The following DRC1 variants were observed in gnomAD, a reference collection of about 807,000 sequenced individuals.
DRC1 encodes dynein regulatory complex subunit 1.
In DRC1, 74 loss-of-function variants were observed where a neutral mutation model predicts 98.7. The ratio of observed to expected loss-of-function variants is 0.75; its 90% CI spans 0.62 to 0.91. The LOEUF is 0.91. DRC1 is among the 40% of genes least tolerant of loss of function. The pLI, the probability that DRC1 is intolerant of heterozygous loss-of-function variation, is 0.00. For synonymous variants in DRC1, 336 were observed against 334.1 expected, an observed-to-expected ratio of 1.01 and a Z score of -0.06; for missense variants, 875 against 886.0, an observed-to-expected ratio of 0.99 and a Z score of 0.16.
chr2:26,456,594 C>G lies in DRC1; in HGVS notation c.*77C>G. The G allele has an allele frequency of 6.4e-7, 1 of 1,562,620 alleles. No individual in the cohort carries two copies. Among genetic ancestry groups the G allele is most frequent in the Non-Finnish European group, 8.8e-7 (1 of 1,135,588 alleles). ...TGCCGGAGCCAGCTCATATCACCCA[C>G]TGGGCCGCACCTGGGCCTGCTCTCT... On this transcript the variant is annotated 3_prime_UTR_variant, in exon 17 of 17. Transcript: ENST00000288710.
At chr2:26,449,530 G>T (rs982018493) in intron 11 of DRC1, among the ~76,000 whole-genome samples, 4 of 152,240 alleles carry the variant, frequency 2.6e-5, no homozygotes, top group Admixed American at 2.6e-4. Flanking sequence ...CTGCTCAGCC[G>T]CCCTCTCCCT....
chr2:26,442,093 G>A (rs1663732242), intron 8 of DRC1, among the ~76,000 whole-genome samples: 1 of 152,216 alleles, frequency 6.6e-6, no homozygotes, highest in Non-Finnish European at 1.5e-5. Context: ...CAGAGGGGAG[G>A]GATGCTGTGT....
chr2:26,455,805 G>C (rs1282604416), intron 16 of DRC1, among the ~76,000 whole-genome samples: 1 of 152,260 alleles, frequency 6.6e-6, no homozygotes, highest in Admixed American at 6.5e-5. Context: ...TGCAATAGTT[G>C]TGGACAACTT....
chr2:26,434,229 AT>A (rs1346038587), intron 7 of DRC1, among the ~76,000 whole-genome samples: 3 of 152,318 alleles, frequency 2.0e-5, no homozygotes, highest in Admixed American at 6.5e-5. Context: ...GTAAAAAAAA[AT>A]GTCTTACTAT....
At chr2:26,434,890 C>CAA (rs58202507) in intron 7 of DRC1, among the ~76,000 whole-genome samples, 1,513 of 126,556 alleles carry the variant, frequency 0.012, 24 homozygotes, top group African/African-American at 0.038. Flanking sequence ...GACTCCGTCT[C>CAA]AAAAAAAAAA....
Position 26,436,653 on chromosome 2 carries a change from A to T in DRC1, c.889-3725A>T, listed in dbSNP as rs1388136118. On this transcript the variant is annotated intron_variant, in intron 7 of 16. Coordinates refer to ENST00000288710, the MANE Select transcript of DRC1 (RefSeq NM_145038.5). ...ATTATGTAATAACCTGCCTTTAAGAATGAAATTCACATGAGCATGCATATG... is the reference window on the plus strand; with the variant it reads ...ATTATGTAATAACCTGCCTTTAAGATTGAAATTCACATGAGCATGCATATG... 2.0e-5 allele frequency among the ~76,000 whole-genome samples: 3 copies of T among 152,264 alleles called. No homozygotes were observed. The East Asian group carries it at 5.8e-4, about 29-fold the overall frequency.
intron 1 of DRC1, among the ~76,000 whole-genome samples, chr2:26,409,182 T>A (rs1678518813): frequency 1.3e-5 from 2 of 152,098 alleles, no homozygotes; most frequent in Non-Finnish European, 2.9e-5. Context: ...CCTCCTGCCC[T>A]GGCCTCCCAT....
At chr2:26,404,267 C>A (rs747814824) in intron 1 of DRC1, among the ~76,000 whole-genome samples, 29 of 152,178 alleles carry the variant, frequency 1.9e-4, no homozygotes, top group Admixed American at 5.2e-4. Flanking sequence ...TATATTATGA[C>A]AGAGATCAGG....
chr2:26,452,811 T>C (rs114704609), intron 13 of DRC1, among the ~76,000 whole-genome samples: 1,951 of 152,286 alleles, frequency 0.013, 34 homozygotes, highest in African/African-American at 0.043. Flanking sequence ...TATAGTATCA[T>C]TGATGTCAAA....
In DRC1 at chr2:26,450,612, G is replaced by A. The variant is rs774673063; in HGVS notation, c.1620G>A (p.Glu540=). The change falls in exon 13 of 17, where the codon GAG becomes GAA. Residue 540 remains glutamate, a synonymous_variant. Coordinates refer to ENST00000288710, the MANE Select transcript of DRC1 (RefSeq NM_145038.5). ...AIFSALGIES[E]DDLYKLVNFF... is the part of the protein sequence containing the mutation. ...CCCAGGCCCTTGGAATTGAAAGTGAGGATGACTTGTATAAACTGGTGAACT... is the reference window on the plus strand; with the variant it reads ...CCCAGGCCCTTGGAATTGAAAGTGAAGATGACTTGTATAAACTGGTGAACT... 4.3e-6 allele frequency: 7 copies of A among 1,611,964 alleles called. No individual in the cohort carries two copies. The East Asian group carries it at 1.6e-4, about 36-fold the overall frequency.
chr2:26,416,778 G>A (rs1318695993), intron 2 of DRC1, among the ~76,000 whole-genome samples: 1 of 152,152 alleles, frequency 6.6e-6, no homozygotes, highest in African/African-American at 2.4e-5. Flanking sequence ...GTATCTATAT[G>A]TCTGTCTGTA....
At chr2:26,429,030 G>A (rs950254634) in intron 4 of DRC1, among the ~76,000 whole-genome samples, 3 of 152,106 alleles carry the variant, frequency 2.0e-5, no homozygotes, top group Admixed American at 6.5e-5. Context: ...CTGGGAGCTT[G>A]CAGGGAGATT....
intron 2 of DRC1, 82 bp from the exon 3 acceptor site, chr2:26,421,195 GAAGCTGCGGAC>G: frequency 5.5e-6 from 6 of 1,100,272 alleles, no homozygotes; most frequent in Non-Finnish European, 7.8e-6. Flanking sequence ...TGAATGGATA[GAAGCTGCGGAC>G]AGTTGTGCAA....
intron 1 of DRC1, among the ~76,000 whole-genome samples, chr2:26,409,995 C>T (rs1678548841): frequency 6.7e-6 from 1 of 150,342 alleles, no homozygotes; most frequent in Admixed American, 6.6e-5. Flanking sequence ...TTCAGATCCT[C>T]AGAGAGAGTT....
At chr2:26,424,976 G>A (rs1249312765) in intron 4 of DRC1, among the ~76,000 whole-genome samples, 1 of 152,036 alleles carries the variant, frequency 6.6e-6, no homozygotes, top group Non-Finnish European at 1.5e-5. Flanking sequence ...CCAAAAAACT[G>A]TATAGTTCAG....
chr2:26,402,105 G>C lies in DRC1; in HGVS notation c.116G>C (p.Arg39Pro), dbSNP rs1261893984. The C allele has an allele frequency of 6.2e-7, 1 of 1,612,096 alleles. No homozygotes were observed. The highest frequency in any genetic ancestry group is 1.3e-5 in the African/African-American group (1 of 74,874). ...SDNSQERIQA[R>P]RLRIAARLEA... ...AACTCTCAGGAGCGCATCCAGGCCCGGCGCCTCCGCATCGCTGCGCGCTTA... is the reference window on the plus strand; with the variant it reads ...AACTCTCAGGAGCGCATCCAGGCCCCGCGCCTCCGCATCGCTGCGCGCTTA... The change falls in exon 1 of 17, where the codon CGG (arginine) becomes CCG (proline). Residue 39 changes from arginine to proline, a missense_variant. By Grantham distance (103) the Arg-to-Pro change is moderately radical (BLOSUM62 -2). Transcript: ENST00000288710.
intron 4 of DRC1, among the ~76,000 whole-genome samples, chr2:26,426,281 C>T (rs74977044): frequency 0.023 from 3,492 of 152,100 alleles, 129 homozygotes; most frequent in African/African-American, 0.078. Context: ...TATTTCTGGG[C>T]TCTCTAGTTC....
intron 13 of DRC1, 112 bp from the exon 14 acceptor site, chr2:26,453,208 G>T: frequency 7.7e-7 from 1 of 1,293,994 alleles, no homozygotes; most frequent in Non-Finnish European, 1.1e-6. Context: ...ATGTCTCCCT[G>T]GGCAAGCTGT....
intron 7 of DRC1, among the ~76,000 whole-genome samples, chr2:26,439,356 A>G (rs1392096206): frequency 6.6e-6 from 1 of 151,984 alleles, no homozygotes; most frequent in Non-Finnish European, 1.5e-5. Flanking sequence ...CCTTCCCTCT[A>G]TCTTGCTTCT....
Sources: gnomAD v4.1 joint callset for allele counts (sites outside exome capture counted in the v4.1 genomes callset) on GRCh38, gnomAD v4.1.1 for gene constraint, MANE v1.5 for transcripts, NCBI Gene and HGNC (gene_info 2026-07-23, HGNC 2026-07-21) for gene names.